The following DPH5 variants were observed in gnomAD, a reference collection of about 807,000 sequenced individuals.
The protein encoded by DPH5 is diphthine methyl ester synthase.
A neutral mutation model predicts 31.6 loss-of-function variants in DPH5; 31 were observed. The ratio of observed to expected loss-of-function variants is 0.98; its 90% CI spans 0.74 to 1.32. The LOEUF (loss-of-function observed/expected upper bound fraction) is 1.32, where lower values mean the gene tolerates loss of function less well. DPH5 is among the 40% of genes most tolerant of loss of function. The pLI is 0.00. For synonymous variants in DPH5, 120 were observed against 115.0 expected (o/e 1.04, Z -0.28); for missense variants, 309 against 335.7 (o/e 0.92, Z 0.62).
intron 5 of DPH5, among the ~76,000 whole-genome samples, chr1:100,998,998 TA>T (rs1209763037): frequency 6.6e-6 from 1 of 152,160 alleles, no homozygotes; most frequent in Non-Finnish European, 1.5e-5. Flanking sequence ...AGATAATATA[TA>T]AATGAAGGTG....
intron 5 of DPH5, among the ~76,000 whole-genome samples, chr1:100,998,209 G>A (rs1168403817): frequency 6.6e-6 from 1 of 152,000 alleles, no homozygotes; most frequent in Non-Finnish European, 1.5e-5. Flanking sequence ...TAATTAATTA[G>A]ATGCCAAGAA....
intron 4 of DPH5, among the ~76,000 whole-genome samples, chr1:101,003,473 T>G (rs1440737761): frequency 6.6e-6 from 1 of 152,204 alleles, no homozygotes; most frequent in Non-Finnish European, 1.5e-5. Flanking sequence ...AGAGAAAGGC[T>G]CTGCAGTCAT....
At chr1:100,991,788 C>CAAAAAAAAAAAAAAA (rs71084857) in intron 7 of DPH5, among the ~76,000 whole-genome samples, 24 of 101,010 alleles carry the variant, frequency 2.4e-4, no homozygotes, top group African/African-American at 4.4e-4. Flanking sequence ...GACCCCATCT[C>CAAAAAAAAAAAAAAA]AAAAAAAAAA....
chr1:101,023,204 A>G (rs1481958683), intron 2 of DPH5: 1 of 152,180 alleles, frequency 6.6e-6, no homozygotes, highest in Non-Finnish European at 1.5e-5. Flanking sequence ...AAATAAAAAA[A>G]CATAATAAAT....
chr1:100,998,198 A>T (rs1371582618), intron 5 of DPH5, among the ~76,000 whole-genome samples: 1 of 152,136 alleles, frequency 6.6e-6, no homozygotes, highest in Non-Finnish European at 1.5e-5. Flanking sequence ...ATCTAGATCT[A>T]TAATTAATTA....
rs557895435 is a variant in DPH5, at chr1:101,025,363, A to T, written c.81T>A (p.Ser27Arg). The T allele has an allele frequency of 1.1e-5, 18 of 1,614,234 alleles. No homozygotes were observed. In the East Asian group the frequency reaches 3.6e-4, roughly 32 times the overall value. Residue 27 changes from serine to arginine, a missense_variant, in exon 2 of 8, where the codon AGT becomes AGA. Ser to Arg is a moderately radical substitution (Grantham distance 110). Transcript: ENST00000370109. ...VKGLEVVRRCSRVYLEAYTSV... is the reference protein window; with the variant it reads ...VKGLEVVRRCRRVYLEAYTSV... ...AGGTGTAGGCTTCCAGATACACTCG[A>T]CTGCAGCGTCTAACAACTTCCAGGC...
At chr1:101,015,245 G>C (rs1411514866) in intron 3 of DPH5, among the ~76,000 whole-genome samples, 1 of 152,002 alleles carries the variant, frequency 6.6e-6, no homozygotes, top group Non-Finnish European at 1.5e-5. Flanking sequence ...TAGATAGAAA[G>C]ACTTGAAAGT....
intron 5 of DPH5, among the ~76,000 whole-genome samples, chr1:100,999,544 A>C (rs758180251): frequency 3.3e-5 from 5 of 151,850 alleles, no homozygotes; most frequent in Non-Finnish European, 7.4e-5. Flanking sequence ...ATAGCTTAAA[A>C]ATTTTTGGCA....
chr1:101,001,935 G>A (rs192871222), intron 4 of DPH5, among the ~76,000 whole-genome samples: 199 of 152,172 alleles, frequency 1.3e-3, no homozygotes, highest in Non-Finnish European at 2.2e-3. Context: ...CAATCAGAGC[G>A]GGGTTCACAA....
chr1:101,018,071 T>C (rs182378270), intron 3 of DPH5, among the ~76,000 whole-genome samples: 1 of 152,320 alleles, frequency 6.6e-6, no homozygotes, highest in East Asian at 1.9e-4. Flanking sequence ...TATATGTGTA[T>C]ATGTATGTAT....
intron 3 of DPH5, among the ~76,000 whole-genome samples, chr1:101,019,467 A>G (rs1212896579): frequency 6.6e-6 from 1 of 152,204 alleles, no homozygotes; most frequent in Non-Finnish European, 1.5e-5. Context: ...TTACCATTTT[A>G]AAAGTACTGA....
chr1:100,990,204 A>G lies in DPH5; in HGVS notation c.*204T>C, dbSNP rs1657539147. 3.5e-6 allele frequency: 2 copies of G among 563,388 alleles called. No individual in the cohort carries two copies. Among genetic ancestry groups the G allele is most frequent in the African/African-American group, 3.8e-5 (2 of 53,022 alleles). The allele number at this position is 563,388 out of a possible 1,614,324, so 34.9% of individuals were successfully genotyped here. ...AGAGCCAGTAGGGGAAATGCCAGGC[A>G]CTTATAAAACCATCAGATCTCATGA... On this transcript the variant is annotated 3_prime_UTR_variant, in exon 8 of 8. Coordinates refer to ENST00000370109, the MANE Select transcript of DPH5 (RefSeq NM_015958.3).
Position 100,990,219 on chromosome 1 carries a change from A to T in DPH5, c.*189T>A. 1.7e-6 allele frequency: 1 copy of T among 594,508 alleles called. No individual in the cohort carries two copies. Among genetic ancestry groups the T allele is most frequent in the Non-Finnish European group, 3.0e-6 (1 of 337,088 alleles). 36.8% of individuals were successfully genotyped at this position (594,508 alleles called of 1,614,324 possible). On this transcript the variant is annotated 3_prime_UTR_variant, in exon 8 of 8. Coordinates refer to ENST00000370109, the MANE Select transcript of DPH5 (RefSeq NM_015958.3). ...AATGCCAGGCACTTATAAAACCATCAGATCTCATGAAAGCTCACTATCATG... is the reference window on the plus strand; with the variant it reads ...AATGCCAGGCACTTATAAAACCATCTGATCTCATGAAAGCTCACTATCATG...
Position 101,013,515 on chromosome 1 carries a change from G to A in DPH5, c.369+195C>T, listed in dbSNP as rs954807563. On this transcript the variant is annotated intron_variant, in intron 4 of 7. Transcript: ENST00000370109. ...ATTTTCTAGCTAAATCTAAACATTC[G>A]ATTCCAATAAGGGGGAAAACCTAGC... 1.5e-5 allele frequency: 6 copies of A among 404,960 alleles called. No individual in the cohort carries two copies. In the East Asian group the frequency reaches 1.8e-4, roughly 12 times the overall value. The allele number at this position is 404,960 out of a possible 1,614,324, so 25.1% of individuals were successfully genotyped here. A position where few individuals can be genotyped will look rare whatever the true frequency, so the allele number is the denominator to read the frequency against.
chr1:100,998,507 TAA>T (rs5776553), intron 5 of DPH5, among the ~76,000 whole-genome samples: 1,137 of 137,348 alleles, frequency 8.3e-3, no homozygotes, highest in African/African-American at 8.0e-3. Context: ...AACCTTATCT[TAA>T]AAAAAAAAAA....
intron 4 of DPH5, among the ~76,000 whole-genome samples, chr1:101,005,892 G>A (rs1479425874): frequency 6.6e-6 from 1 of 151,972 alleles, no homozygotes; most frequent in Non-Finnish European, 1.5e-5. Context: ...ATCCCCACAT[G>A]TTGTGGGAGG....
chr1:101,019,814 TAAAG>T (rs1336256740), intron 3 of DPH5, among the ~76,000 whole-genome samples: 1 of 151,566 alleles, frequency 6.6e-6, no homozygotes, highest in Non-Finnish European at 1.5e-5. Flanking sequence ...AAGGGCAAAT[TAAAG>T]AAGTCTAAAA....
chr1:101,015,509 G>A (rs1173097393), intron 3 of DPH5, among the ~76,000 whole-genome samples: 1 of 152,200 alleles, frequency 6.6e-6, no homozygotes, highest in Non-Finnish European at 1.5e-5. Context: ...CGCACAGGGA[G>A]AATAGATTTA....
chr1:101,025,032 TG>T, intron 2 of DPH5: 1 of 344,204 alleles, frequency 2.9e-6, no homozygotes, highest in Non-Finnish European at 5.3e-6. Context: ...TAAGGGGTTT[TG>T]ATAACTATCC....
Sources: gnomAD v4.1 joint callset for allele counts (sites outside exome capture counted in the v4.1 genomes callset) on GRCh38, gnomAD v4.1.1 for gene constraint, MANE v1.5 for transcripts, NCBI Gene and HGNC (gene_info 2026-07-23, HGNC 2026-07-21) for gene names.